Variants in FAM222B observed in about 807,000 individuals in gnomAD.
The protein encoded by FAM222B is protein FAM222B.
FAM222B carries 12 observed loss-of-function variants against 38.0 expected under a neutral mutation model. That is an observed-to-expected ratio of 0.32 (90% CI 0.20 to 0.51). FAM222B has a LOEUF of 0.51. Among genes scored for constraint, FAM222B ranks in the 20% least tolerant of loss-of-function variants. FAM222B has a pLI of 0.97. For missense variants in FAM222B, 716 were observed against 754.2 expected (o/e 0.95, Z 0.59); for synonymous variants, 329 against 317.2 (o/e 1.04, Z -0.40).
upstream of FAM222B, chr17:28,842,906 C>T (rs2039100651): frequency 6.6e-6 from 1 of 152,544 alleles, no homozygotes; most frequent in Middle Eastern, 3.4e-3. Context: ...GTCTGGACCC[C>T]TGGGTCTCTA....
chr17:28,813,039 G>GGGGGGGGGGGGGGGT (rs2037865439), intron 1 of FAM222B, among the ~76,000 whole-genome samples: 1 of 68,176 alleles, frequency 1.5e-5, no homozygotes, highest in Non-Finnish European at 3.3e-5. Context: ...GGGGGGGGGG[G>GGGGGGGGGGGGGGGT]GGAGGGGGGG....
At chr17:28,844,985 C>T (rs2039135112), upstream of FAM222B, among the ~76,000 whole-genome samples, 1 of 151,866 alleles carries the variant, frequency 6.6e-6, no homozygotes, top group Non-Finnish European at 1.5e-5. Flanking sequence ...CACCTGTAGT[C>T]CCAGCTACTC....
chr17:28,780,775 G>A (rs779065423), intron 1 of FAM222B, among the ~76,000 whole-genome samples: 34 of 151,916 alleles, frequency 2.2e-4, no homozygotes, highest in Non-Finnish European at 4.1e-4. Flanking sequence ...CCAGCTACTC[G>A]GAAGGCTGCA....
upstream of FAM222B, among the ~76,000 whole-genome samples, chr17:28,844,395 C>T (rs1372106095): frequency 6.6e-6 from 1 of 152,228 alleles, no homozygotes; most frequent in Non-Finnish European, 1.5e-5. Flanking sequence ...TGCAGTGGCT[C>T]ACGCCTGTAA....
At chr17:28,839,591 C>G (rs1172732345) in intron 1 of FAM222B, among the ~76,000 whole-genome samples, 1 of 151,994 alleles carries the variant, frequency 6.6e-6, no homozygotes, top group Non-Finnish European at 1.5e-5. Context: ...AATAAATGTC[C>G]AACTATTAAA....
rs775945857 is a variant in FAM222B, at chr17:28,758,772, C to T, written c.1187G>A (p.Arg396His). The T allele has an allele frequency of 3.8e-6, 6 of 1,572,112 alleles. No individual in the cohort carries two copies. In the East Asian group the frequency reaches 7.0e-5, roughly 18 times the overall value. Reference sequence around the variant, plus strand: ...CACAAAGCCAGGCCCTGCCAACTCGCGTCCTGCCGCATGCTTGCCTGTCAG... The same window carrying T: ...CACAAAGCCAGGCCCTGCCAACTCGTGTCCTGCCGCATGCTTGCCTGTCAG... ...PGLTGKHAAG[R>H]ELAGPGFVGK... Residue 396 changes from arginine to histidine, a missense_variant, in exon 3 of 3, where the codon CGC (arginine) becomes CAC (histidine). By Grantham distance (29) the Arg-to-His change is conservative. Transcript: ENST00000581407.
intron 1 of FAM222B, among the ~76,000 whole-genome samples, chr17:28,815,030 C>CCCAAA (rs1390279053): frequency 2.0e-5 from 3 of 151,976 alleles, no homozygotes; most frequent in African/African-American, 4.8e-5. Context: ...CCCCTCGCCT[C>CCCAAA]CCAAAGTGCT....
intron 1 of FAM222B, among the ~76,000 whole-genome samples, chr17:28,850,345 G>A (rs374435178): frequency 8.6e-5 from 13 of 151,338 alleles, no homozygotes; most frequent in Admixed American, 1.3e-4. Context: ...TCTGTCGCCC[G>A]GGCTGGAGTG....
chr17:28,784,486 T>C (rs1390876108), intron 1 of FAM222B, among the ~76,000 whole-genome samples: 3 of 52,336 alleles, frequency 5.7e-5, no homozygotes, highest in African/African-American at 7.5e-5. Flanking sequence ...TAAGATCCCC[T>C]CTCTTAAAAA....
chr17:28,776,822 TG>T (rs1294984880), intron 1 of FAM222B, among the ~76,000 whole-genome samples: 1 of 152,096 alleles, frequency 6.6e-6, no homozygotes, highest in Non-Finnish European at 1.5e-5. Context: ...CCGTTACTCC[TG>T]GGTTCCAAGA....
intron 1 of FAM222B, among the ~76,000 whole-genome samples, chr17:28,841,841 A>T (rs908513735): frequency 6.6e-6 from 1 of 152,174 alleles, no homozygotes; most frequent in Non-Finnish European, 1.5e-5. Context: ...CAGAAGTCTG[A>T]TGGCTAATTT....
chr17:28,800,953 T>A (rs187467458), intron 1 of FAM222B, among the ~76,000 whole-genome samples: 14 of 127,508 alleles, frequency 1.1e-4, no homozygotes, highest in African/African-American at 3.6e-4. Flanking sequence ...AGGTCAGGGG[T>A]TCGAGACCAG....
chr17:28,836,488 C>T (rs550893561), intron 1 of FAM222B, among the ~76,000 whole-genome samples: 1 of 151,982 alleles, frequency 6.6e-6, no homozygotes, highest in South Asian at 2.1e-4. Flanking sequence ...TTTATTCGGC[C>T]GGGAGCTTCG....
At chr17:28,844,154 C>T (rs934349430), upstream of FAM222B, among the ~76,000 whole-genome samples, 5 of 152,076 alleles carry the variant, frequency 3.3e-5, no homozygotes, top group Non-Finnish European at 7.4e-5. Context: ...TCAATCGAGT[C>T]CTGAGAATTC....
intron 1 of FAM222B, among the ~76,000 whole-genome samples, chr17:28,785,720 G>C (rs2036381556): frequency 7.1e-6 from 1 of 141,396 alleles, no homozygotes; most frequent in Admixed American, 7.3e-5. Context: ...TTTTTTTTGA[G>C]ACAAAGTTTC....
At chr17:28,833,998 C>T (rs1007029196) in intron 1 of FAM222B, among the ~76,000 whole-genome samples, 12 of 152,178 alleles carry the variant, frequency 7.9e-5, no homozygotes, top group African/African-American at 2.2e-4. Flanking sequence ...ACATCACATT[C>T]CACTTAGTTG....
rs1012660661 is a variant in FAM222B, at chr17:28,781,597, G to C, written c.-40-14890C>G. Among the ~76,000 whole-genome samples, 8 of 152,160 alleles carry C rather than the reference G, an allele frequency of 5.3e-5. 1 individual carries two copies. The highest frequency in any genetic ancestry group is 1.7e-4 in the African/African-American group (7 of 41,434). ...TACCTGCACTCCCATGTTAACTGCA[G>C]CATTATTCACAACAGCCAAGATATG... On this transcript the variant is annotated intron_variant, in intron 1 of 2. Coordinates refer to ENST00000581407, the MANE Select transcript of FAM222B (RefSeq NM_001077498.3).
chr17:28,789,527 C>G (rs1276279854), intron 1 of FAM222B, among the ~76,000 whole-genome samples: 1 of 152,130 alleles, frequency 6.6e-6, no homozygotes, highest in African/African-American at 2.4e-5. Context: ...TCTTTGGGAC[C>G]TCCCTTACCA....
intron 1 of FAM222B, among the ~76,000 whole-genome samples, chr17:28,842,406 A>G (rs990756963): frequency 6.6e-6 from 1 of 152,086 alleles, no homozygotes; most frequent in African/African-American, 2.4e-5. Context: ...AGAAGCGGAA[A>G]GGAGAGGCGA....
Sources: allele counts gnomAD v4.1 joint callset (sites outside exome capture counted in the v4.1 genomes callset), GRCh38; gene constraint gnomAD v4.1.1; transcripts MANE v1.5; gene names NCBI Gene and HGNC (gene_info 2026-07-23, HGNC 2026-07-21).